NRG3: variants seen among roughly 807,000 people sequenced by gnomAD.
The protein encoded by NRG3 is pro-neuregulin-3, membrane-bound isoform.
NRG3 carries 31 observed loss-of-function variants against 66.9 expected under a neutral mutation model. The ratio of observed to expected loss-of-function variants is 0.46; its 90% CI spans 0.35 to 0.63. The LOEUF is 0.63. Ranked by LOEUF, NRG3 falls within the 20% of genes least tolerant of loss-of-function variation. The pLI is 0.00. For synonymous variants in NRG3, 393 were observed against 359.4 expected (o/e 1.09, Z -1.06); for missense variants, 910 against 878.9 (o/e 1.04, Z -0.45).
intron 2 of NRG3, among the ~76,000 whole-genome samples, chr10:82,721,949 A>C (rs1037247573): frequency 3.8e-5 from 5 of 130,856 alleles, no homozygotes; most frequent in Admixed American, 2.2e-4. Flanking sequence ...TGTTACAAGA[A>C]AAAAAAAAAA....
In NRG3 at chr10:82,833,637, G is replaced by A. The variant is rs139704406; in HGVS notation, c.1028-31774G>A. On this transcript the variant is annotated intron_variant, in intron 3 of 8. Transcript: ENST00000372141. ...ATCCCAGCATAGTAGGCCAATCTAGGTCCAAGACCAAGGTCTCCTAGCCTA... is the reference window on the plus strand; with the variant it reads ...ATCCCAGCATAGTAGGCCAATCTAGATCCAAGACCAAGGTCTCCTAGCCTA... 5.8e-3 allele frequency among the ~76,000 whole-genome samples: 885 copies of A among 152,254 alleles called. 6 individuals are homozygous for A. The highest frequency in any genetic ancestry group is 8.8e-3 in the Non-Finnish European group (600 of 68,024).
intron 3 of NRG3, among the ~76,000 whole-genome samples, chr10:82,756,035 CT>C (rs1050422145): frequency 5.1e-4 from 76 of 149,706 alleles, no homozygotes; most frequent in East Asian, 1.2e-3. Context: ...CTGTAGACAC[CT>C]TTTTTTTTTC....
Position 82,265,320 on chromosome 10 carries a change from G to A in NRG3, c.824-93419G>A, listed in dbSNP as rs187711009. On this transcript the variant is annotated intron_variant, in intron 1 of 8. Coordinates refer to ENST00000372141, the MANE Select transcript of NRG3 (RefSeq NM_001010848.4). Reference sequence around the variant, plus strand: ...AATGGAAGGACAGAAGTGTGGGGATGTTCAACTGGATTTATGTAAGGTATT... The same window carrying A: ...AATGGAAGGACAGAAGTGTGGGGATATTCAACTGGATTTATGTAAGGTATT... Among the ~76,000 whole-genome samples, 8 of 152,262 alleles carry A rather than the reference G, an allele frequency of 5.3e-5. No individual in the cohort carries two copies. The East Asian group carries it at 1.5e-3, about 29-fold the overall frequency.
At chr10:82,521,220 A>C (rs1019703065) in intron 2 of NRG3, among the ~76,000 whole-genome samples, 2 of 152,172 alleles carry the variant, frequency 1.3e-5, no homozygotes, top group African/African-American at 4.8e-5. Flanking sequence ...TTATTTACTA[A>C]AAATACTAAC....
intron 1 of NRG3, among the ~76,000 whole-genome samples, chr10:81,995,862 T>TTTTG (rs756483925): frequency 6.6e-6 from 1 of 152,132 alleles, no homozygotes; most frequent in African/African-American, 2.4e-5. Flanking sequence ...TTTTGTTTTG[T>TTTTG]TTTGTTTGTT....
chr10:82,340,598 G>A (rs1309264969), intron 1 of NRG3, among the ~76,000 whole-genome samples: 3 of 152,160 alleles, frequency 2.0e-5, no homozygotes, highest in Admixed American at 1.3e-4. Context: ...GAAGAATCAA[G>A]TCAATGTTTA....
intron 1 of NRG3, among the ~76,000 whole-genome samples, chr10:82,329,757 A>G (rs2082051346): frequency 6.6e-6 from 1 of 152,136 alleles, no homozygotes; most frequent in Non-Finnish European, 1.5e-5. Context: ...TGTCACTTAA[A>G]TCCCCTTCCA....
intron 3 of NRG3, among the ~76,000 whole-genome samples, chr10:82,760,388 A>C (rs1354167849): frequency 1.3e-5 from 2 of 152,186 alleles, no homozygotes; most frequent in Non-Finnish European, 2.9e-5. Flanking sequence ...CAGATGTAGA[A>C]ATCAATCCAG....
At chr10:82,066,337 CT>C (rs1321424490) in intron 1 of NRG3, among the ~76,000 whole-genome samples, 3 of 152,030 alleles carry the variant, frequency 2.0e-5, no homozygotes, top group Non-Finnish European at 4.4e-5. Context: ...CATAAATTAC[CT>C]TTTCAATGTA....
intron 2 of NRG3, among the ~76,000 whole-genome samples, chr10:82,519,900 T>C (rs1846036093): frequency 6.6e-6 from 1 of 152,094 alleles, no homozygotes; most frequent in Non-Finnish European, 1.5e-5. Context: ...TTAAGGGCAG[T>C]GAAACCATGA....
intron 1 of NRG3, among the ~76,000 whole-genome samples, chr10:82,103,602 T>C (rs1173035305): frequency 6.6e-6 from 1 of 152,204 alleles, no homozygotes; most frequent in Non-Finnish European, 1.5e-5. Flanking sequence ...TTGACATGCT[T>C]CTTTGGGTCT....
intron 1 of NRG3, among the ~76,000 whole-genome samples, chr10:82,301,685 C>CATATATATATATATATATATATAT (rs2080410141): frequency 1.2e-5 from 1 of 86,852 alleles, no homozygotes; most frequent in Non-Finnish European, 2.5e-5. Context: ...CACATATATT[C>CATATATATATATATATATATATAT]CTATATATAT....
chr10:82,206,225 C>G (rs1218852204), intron 1 of NRG3, among the ~76,000 whole-genome samples: 1 of 152,190 alleles, frequency 6.6e-6, no homozygotes, highest in Non-Finnish European at 1.5e-5. Flanking sequence ...GTCTCAGGAT[C>G]TAAGAACAGG....
At chr10:82,870,792 T>G (rs1841270779) in intron 4 of NRG3, among the ~76,000 whole-genome samples, 1 of 152,234 alleles carries the variant, frequency 6.6e-6, no homozygotes, top group Non-Finnish European at 1.5e-5. Context: ...TTCTTATTGT[T>G]AAGAATTCTT....
rs1841519683 is a variant in NRG3, at chr10:81,875,301, G to A, written c.-40G>A. The A allele has an allele frequency of 2.0e-6, 2 of 982,134 alleles. No homozygotes were observed. The highest frequency in any genetic ancestry group is 4.6e-5 in the South Asian group (1 of 21,956). The allele number at this position is 982,134 out of a possible 1,614,324, so 60.8% of individuals were successfully genotyped here. On this transcript the variant is annotated 5_prime_UTR_variant, in exon 1 of 9. Coordinates refer to ENST00000372141, the MANE Select transcript of NRG3 (RefSeq NM_001010848.4). The surrounding 1 kb of genome is among the most constrained non-coding windows in gnomAD (Gnocchi z 5.3). ...GCCCGCGCGGCCCCATGCCTCTGCC[G>A]CGGCCCTCGGGGGGGCGAAGGTGAA...
At chr10:82,750,083 G>T (rs969306687) in intron 3 of NRG3, among the ~76,000 whole-genome samples, 1 of 152,124 alleles carries the variant, frequency 6.6e-6, no homozygotes, top group African/African-American at 2.4e-5. Context: ...TTTCCTAAAT[G>T]AATCTATTTA....
intron 1 of NRG3, among the ~76,000 whole-genome samples, chr10:82,272,647 A>C (rs1190602191): frequency 1.3e-5 from 2 of 152,058 alleles, no homozygotes; most frequent in Admixed American, 1.3e-4. Context: ...CTGAATTCAA[A>C]AACTTTTGAG....
At chr10:82,253,328 A>G (rs1005666820) in intron 1 of NRG3, among the ~76,000 whole-genome samples, 2 of 152,080 alleles carry the variant, frequency 1.3e-5, no homozygotes, top group Non-Finnish European at 2.9e-5. Context: ...TCCTACTTCA[A>G]ACCCACAAGA....
At chr10:82,820,859 C>T (rs1169781088) in intron 3 of NRG3, among the ~76,000 whole-genome samples, 3 of 152,122 alleles carry the variant, frequency 2.0e-5, no homozygotes, top group Non-Finnish European at 2.9e-5. Context: ...TGTGGTTTCT[C>T]ATTAGAGAAT....
Sources: gnomAD v4.1 joint callset for allele counts (sites outside exome capture counted in the v4.1 genomes callset) on GRCh38, gnomAD v4.1.1 for gene constraint, Gnocchi (gnomAD v3.1) non-coding constraint, MANE v1.5 for transcripts, NCBI Gene and HGNC (gene_info 2026-07-23, HGNC 2026-07-21) for gene names.